RARB: variants seen among roughly 807,000 people sequenced by gnomAD.
RARB encodes HBV-activated protein.
RARB carries 17 observed loss-of-function variants against 51.9 expected under a neutral mutation model. That is an observed-to-expected ratio of 0.33 (90% CI 0.22 to 0.49). The LOEUF is 0.49. Ranked by LOEUF, RARB falls within the 20% of genes least tolerant of loss-of-function variation. The probability of loss-of-function intolerance (pLI) is 0.99; values close to 1 mark genes in which losing one functional copy is unlikely to be tolerated. For missense variants in RARB, 369 were observed against 550.8 expected, an observed-to-expected ratio of 0.67 and a Z score of 3.30; for synonymous variants, 215 against 195.4, an observed-to-expected ratio of 1.10 and a Z score of -0.84.
intron 5 of RARB, among the ~76,000 whole-genome samples, chr3:25,218,484 C>G (rs1043564473): frequency 2.0e-5 from 3 of 152,034 alleles, no homozygotes; most frequent in African/African-American, 7.2e-5. Context: ...CATTTATTTT[C>G]AAAGTGGAAG....
At chr3:25,284,436 T>C (rs530350108) in intron 5 of RARB, among the ~76,000 whole-genome samples, 1 of 152,018 alleles carries the variant, frequency 6.6e-6, no homozygotes, top group East Asian at 1.9e-4. Flanking sequence ...GCAATATTTT[T>C]ATTTGAGTAG....
At chr3:25,095,330 A>G (rs940692253) in intron 3 of RARB, among the ~76,000 whole-genome samples, 15 of 152,192 alleles carry the variant, frequency 9.9e-5, no homozygotes, top group Non-Finnish European at 1.8e-4. Flanking sequence ...AGTGGTTTTC[A>G]AAGTATGATC....
chr3:25,100,439 A>G (rs1699377690), intron 3 of RARB, among the ~76,000 whole-genome samples: 1 of 152,160 alleles, frequency 6.6e-6, no homozygotes, highest in Admixed American at 6.5e-5. Context: ...ACATTTAAAC[A>G]TATGTATTTG....
intron 2 of RARB, among the ~76,000 whole-genome samples, chr3:24,920,580 T>C (rs11716615): frequency 6.9e-6 from 1 of 145,796 alleles, no homozygotes; most frequent in East Asian, 1.9e-4. Flanking sequence ...ACAAAGAGAG[T>C]GTGGCATGGC....
intron 2 of RARB, among the ~76,000 whole-genome samples, chr3:24,932,066 C>T (rs1695452649): frequency 6.6e-6 from 1 of 151,458 alleles, no homozygotes; most frequent in Admixed American, 6.6e-5. Flanking sequence ...CAAATAGAAA[C>T]TCCCAACTTG....
intron 3 of RARB, among the ~76,000 whole-genome samples, chr3:25,529,820 C>G (rs1698817273): frequency 6.6e-6 from 1 of 152,108 alleles, no homozygotes; most frequent in Non-Finnish European, 1.5e-5. Context: ...GGCGGACACA[C>G]AGATAATATT....
At chr3:25,186,890 T>TGTGTGA (rs1268909558) in intron 5 of RARB, among the ~76,000 whole-genome samples, 4 of 98,698 alleles carry the variant, frequency 4.1e-5, no homozygotes, top group African/African-American at 8.2e-5. Flanking sequence ...TAAGCCTGTG[T>TGTGTGA]GTGTGTGTGT....
At chr3:24,958,762 T>G (rs1341909587) in intron 2 of RARB, among the ~76,000 whole-genome samples, 1 of 152,236 alleles carries the variant, frequency 6.6e-6, no homozygotes, top group Non-Finnish European at 1.5e-5. Flanking sequence ...GATAAGTCTT[T>G]GGCCATGAAA....
chr3:24,986,058 C>T (rs150684156), intron 2 of RARB, among the ~76,000 whole-genome samples: 292 of 152,192 alleles, frequency 1.9e-3, no homozygotes, highest in Non-Finnish European at 3.0e-3. Context: ...TTCTAAGAAC[C>T]ACGGGTAAAA....
chr3:25,522,638 A>G (rs1381894907), intron 3 of RARB, among the ~76,000 whole-genome samples: 1 of 152,124 alleles, frequency 6.6e-6, no homozygotes, highest in African/African-American at 2.4e-5. Flanking sequence ...GGCAGTTTGC[A>G]GGAGGAGCAA....
chr3:25,572,995 T>C (rs1700767904), intron 4 of RARB, among the ~76,000 whole-genome samples: 3 of 152,134 alleles, frequency 2.0e-5, no homozygotes, highest in African/African-American at 7.2e-5. Flanking sequence ...ATGGCTCACA[T>C]GTGAGGCATT....
chr3:25,501,063 T>G, intron 2 of RARB, 119 bp from the exon 3 acceptor site: 1 of 1,223,434 alleles, frequency 8.2e-7, no homozygotes, highest in East Asian at 2.6e-5. Flanking sequence ...AGTTAACTTT[T>G]CTGCTGCCAT....
At chr3:24,937,449 A>G (rs1695569280) in intron 2 of RARB, among the ~76,000 whole-genome samples, 1 of 151,740 alleles carries the variant, frequency 6.6e-6, no homozygotes, top group Non-Finnish European at 1.5e-5. Context: ...CATCCTTACT[A>G]CCCTCTCCCA....
At chr3:24,843,938 T>C (rs1702452717) in intron 1 of RARB, among the ~76,000 whole-genome samples, 3 of 128,618 alleles carry the variant, frequency 2.3e-5, no homozygotes, top group Non-Finnish European at 5.1e-5. Context: ...CACACACACA[T>C]TCTCTCGGCA....
intron 4 of RARB, among the ~76,000 whole-genome samples, chr3:25,161,115 C>A (rs927687825): frequency 1.3e-5 from 2 of 151,842 alleles, no homozygotes; most frequent in Admixed American, 1.3e-4. Flanking sequence ...TGGGTTCAAG[C>A]GATTCTCCTG....
intron 5 of RARB, among the ~76,000 whole-genome samples, chr3:25,332,931 T>C (rs908106108): frequency 6.6e-6 from 1 of 152,136 alleles, no homozygotes; most frequent in Admixed American, 6.5e-5. Flanking sequence ...TCACAATTGC[T>C]TCAAAGAGAA....
At chr3:24,956,612 G>A (rs1696019704) in intron 2 of RARB, among the ~76,000 whole-genome samples, 1 of 152,146 alleles carries the variant, frequency 6.6e-6, no homozygotes, top group African/African-American at 2.4e-5. Context: ...ACTCTGGGAA[G>A]GTAATACATA....
intron 5 of RARB, among the ~76,000 whole-genome samples, chr3:25,342,096 C>A (rs6550965): frequency 0.42 from 63,675 of 151,948 alleles, 13,576 homozygotes; most frequent in South Asian, 0.52. Context: ...TGAATGAATC[C>A]ATCAAGAAAT....
intron 2 of RARB, among the ~76,000 whole-genome samples, chr3:25,477,706 T>A (rs1337448733): frequency 6.6e-6 from 1 of 152,218 alleles, no homozygotes; most frequent in Non-Finnish European, 1.5e-5. Context: ...ATATTGTATA[T>A]GGTTAAAATG....
Sources: gnomAD v4.1 joint callset for allele counts (sites outside exome capture counted in the v4.1 genomes callset) on GRCh38, gnomAD v4.1.1 for gene constraint, MANE v1.5 for transcripts, NCBI Gene and HGNC (gene_info 2026-07-23, HGNC 2026-07-21) for gene names.